PLXDC2: variants seen among roughly 807,000 people sequenced by gnomAD.
PLXDC2 encodes the protein plexin domain containing 2.
In PLXDC2, 40 loss-of-function variants were observed where a neutral mutation model predicts 68.9. The ratio of observed to expected loss-of-function variants is 0.58; its 90% CI spans 0.45 to 0.76. The LOEUF (loss-of-function observed/expected upper bound fraction) is 0.76, where lower values mean the gene tolerates loss of function less well. Ranked by LOEUF, PLXDC2 falls within the 30% of genes least tolerant of loss-of-function variation. The pLI is 0.00. For missense variants in PLXDC2, 644 were observed against 661.9 expected (o/e 0.97, Z 0.30); for synonymous variants, 243 against 234.2 (o/e 1.04, Z -0.34).
Position 19,821,032 on chromosome 10 carries a change from A to T in PLXDC2, c.112+3841A>T, listed in dbSNP as rs564371671. 3.3e-5 allele frequency among the ~76,000 whole-genome samples: 5 copies of T among 152,356 alleles called. No individual in the cohort carries two copies. The South Asian group carries it at 1.0e-3, about 32-fold the overall frequency. On this transcript the variant is annotated intron_variant, in intron 1 of 13. Coordinates refer to ENST00000377252, the MANE Select transcript of PLXDC2 (RefSeq NM_032812.9). Reference sequence around the variant, plus strand: ...GAGGCGGAGATAGCAGCGAGCCGAGATTGCACCATTGCACTCCAGCCTGGA... The same window carrying T: ...GAGGCGGAGATAGCAGCGAGCCGAGTTTGCACCATTGCACTCCAGCCTGGA...
At chr10:20,260,788 C>T (rs1835799979) in intron 13 of PLXDC2, among the ~76,000 whole-genome samples, 1 of 152,190 alleles carries the variant, frequency 6.6e-6, no homozygotes, top group Non-Finnish European at 1.5e-5. Context: ...TCCATAACAG[C>T]TGTACCAGTT....
At chr10:19,823,248 G>A (rs1332873726) in intron 1 of PLXDC2, among the ~76,000 whole-genome samples, 17 of 152,076 alleles carry the variant, frequency 1.1e-4, no homozygotes, top group Admixed American at 1.1e-3. Context: ...ATGTACATAT[G>A]CATACATATA....
intron 6 of PLXDC2, among the ~76,000 whole-genome samples, chr10:20,154,622 G>A (rs926538157): frequency 6.6e-6 from 1 of 151,704 alleles, no homozygotes; most frequent in Non-Finnish European, 1.5e-5. Flanking sequence ...GGTCTTTACA[G>A]GCCTTGATGC....
chr10:20,208,522 A>C (rs1422551246), intron 9 of PLXDC2, among the ~76,000 whole-genome samples: 1 of 152,158 alleles, frequency 6.6e-6, no homozygotes, highest in Non-Finnish European at 1.5e-5. Context: ...ACACAGCCAA[A>C]GTATATCATA....
chr10:20,068,395 T>C (rs1018479289), intron 4 of PLXDC2, among the ~76,000 whole-genome samples, 156 bp downstream of exon 4: 2 of 152,074 alleles, frequency 1.3e-5, no homozygotes, highest in African/African-American at 4.8e-5. Flanking sequence ...AGAAAGGGTA[T>C]GGTTATTGGA....
At chr10:19,916,100 C>A (rs770100254) in intron 1 of PLXDC2, among the ~76,000 whole-genome samples, 1 of 147,796 alleles carries the variant, frequency 6.8e-6, no homozygotes, top group Non-Finnish European at 1.5e-5. Context: ...AAAATATTTA[C>A]GGGGAAATTA....
intron 1 of PLXDC2, among the ~76,000 whole-genome samples, chr10:19,849,424 C>T (rs1477887297): frequency 6.6e-6 from 1 of 152,140 alleles, no homozygotes; most frequent in Non-Finnish European, 1.5e-5. Context: ...TGTGGCCCCA[C>T]CCGAATCTCA....
At chr10:20,172,529 C>T (rs1822167899) in intron 7 of PLXDC2, among the ~76,000 whole-genome samples, 1 of 152,030 alleles carries the variant, frequency 6.6e-6, no homozygotes, top group Non-Finnish European at 1.5e-5. Context: ...CATATGGGGA[C>T]ATGTGAGTAT....
chr10:20,263,968 A>G (rs183781014), intron 13 of PLXDC2, among the ~76,000 whole-genome samples: 6 of 152,266 alleles, frequency 3.9e-5, no homozygotes, highest in African/African-American at 1.4e-4. Context: ...GTATATATAT[A>G]TACCAAGAGG....
rs140124349 is a variant in PLXDC2 at position 20,158,353 on chromosome 10, A to C, written c.784-6115A>C. 1.6e-3 allele frequency among the ~76,000 whole-genome samples: 247 copies of C among 152,038 alleles called. 4 individuals are homozygous for C. The East Asian group carries it at 0.037, about 22-fold the overall frequency. On this transcript the variant is annotated intron_variant, in intron 6 of 13. Coordinates refer to ENST00000377252, the MANE Select transcript of PLXDC2 (RefSeq NM_032812.9). The stretch of plus-strand genomic sequence containing the variant: ...TGTTCATTCTTGTGCTAATTTGCCC[A>C]ATACTTCTAAATAGCTATACTTCTA...
intron 3 of PLXDC2, among the ~76,000 whole-genome samples, chr10:20,064,146 C>T (rs1836153865): frequency 6.7e-6 from 1 of 149,246 alleles, no homozygotes. Flanking sequence ...TTAAATATTT[C>T]TTAAAGGATG....
At chr10:19,986,479 G>A (rs190197215) in intron 1 of PLXDC2, among the ~76,000 whole-genome samples, 2 of 151,674 alleles carry the variant, frequency 1.3e-5, no homozygotes, top group East Asian at 3.9e-4. Context: ...TTGATAAATG[G>A]GAATGGAACA....
chr10:19,905,672 A>G (rs1358682821), intron 1 of PLXDC2, among the ~76,000 whole-genome samples: 1 of 152,224 alleles, frequency 6.6e-6, no homozygotes, highest in Non-Finnish European at 1.5e-5. Context: ...ACTCCCAATT[A>G]TATTATGATT....
At chr10:19,881,788 G>T (rs1363869898) in intron 1 of PLXDC2, among the ~76,000 whole-genome samples, 1 of 152,184 alleles carries the variant, frequency 6.6e-6, no homozygotes, top group Non-Finnish European at 1.5e-5. Flanking sequence ...CCAGTTTCCT[G>T]TTGTAGAAGG....
chr10:20,055,410 AT>A (rs1405483345), intron 3 of PLXDC2, among the ~76,000 whole-genome samples: 1 of 151,914 alleles, frequency 6.6e-6, no homozygotes, highest in East Asian at 1.9e-4. Context: ...GGATATATTT[AT>A]TTTTTTCTTT....
chr10:19,911,884 C>T (rs1251063444), intron 1 of PLXDC2, among the ~76,000 whole-genome samples: 1 of 152,168 alleles, frequency 6.6e-6, no homozygotes, highest in Non-Finnish European at 1.5e-5. Context: ...TAGATCGATA[C>T]ATATTTAAGA....
intron 1 of PLXDC2, among the ~76,000 whole-genome samples, chr10:19,987,783 C>G (rs6482075): frequency 4.0e-5 from 6 of 151,640 alleles, no homozygotes; most frequent in East Asian, 1.9e-4. Context: ...CCAGGATGGT[C>G]TCGATCGATC....
chr10:20,107,064 T>TACTATATATATA (rs1220299287), intron 4 of PLXDC2, among the ~76,000 whole-genome samples: 122 of 148,350 alleles, frequency 8.2e-4, no homozygotes, highest in Non-Finnish European at 1.4e-3. Context: ...ATACACTATA[T>TACTATATATATA]GCTATATATA....
rs148256608 is a variant in PLXDC2 at position 20,230,893 on chromosome 10, T to C, written c.1312+11791T>C. ...ATGAAACGGTCACCAAAGTAGACCATATGTTGAGTCATAAAAAATATTAAA... is the reference window on the plus strand; with the variant it reads ...ATGAAACGGTCACCAAAGTAGACCACATGTTGAGTCATAAAAAATATTAAA... On this transcript the variant is annotated intron_variant, in intron 12 of 13. Coordinates refer to ENST00000377252, the MANE Select transcript of PLXDC2 (RefSeq NM_032812.9). Among the ~76,000 whole-genome samples, 764 of 151,014 alleles carry C rather than the reference T, an allele frequency of 5.1e-3. 5 individuals are homozygous for C. Among genetic ancestry groups the C allele is most frequent in the African/African-American group, 0.018 (728 of 41,318 alleles).
Sources: allele counts gnomAD v4.1 joint callset (sites outside exome capture counted in the v4.1 genomes callset), GRCh38; gene constraint gnomAD v4.1.1; transcripts MANE v1.5; gene names NCBI Gene and HGNC (gene_info 2026-07-23, HGNC 2026-07-21).